The following DCLK2 variants were observed in gnomAD, a reference collection of about 807,000 sequenced individuals.
DCLK2 encodes doublecortin like kinase 2.
Under a neutral mutation model 78.4 loss-of-function variants are expected in DCLK2, and 31 were observed. The ratio of observed to expected loss-of-function variants is 0.40; its 90% confidence interval spans 0.30 to 0.53. The LOEUF (loss-of-function observed/expected upper bound fraction) is 0.53, where lower values mean the gene tolerates loss of function less well. DCLK2 is among the 20% of genes least tolerant of loss of function. The pLI, the probability that DCLK2 is intolerant of heterozygous loss-of-function variation, is 0.61. For synonymous variants in DCLK2, 407 were observed against 374.9 expected (o/e 1.09, Z -0.99); for missense variants, 872 against 973.7 (o/e 0.90, Z 1.39).
chr4:150,231,696 T>C (rs978225231), intron 8 of DCLK2, among the ~76,000 whole-genome samples: 1 of 152,214 alleles, frequency 6.6e-6, no homozygotes, highest in Non-Finnish European at 1.5e-5. Context: ...AGGAGAGTGA[T>C]TAGAGCTAAA....
At chr4:150,192,888 C>T (rs1163185376) in intron 2 of DCLK2, among the ~76,000 whole-genome samples, 5 of 152,132 alleles carry the variant, frequency 3.3e-5, no homozygotes, top group East Asian at 1.9e-4. Flanking sequence ...TTTGCATGTA[C>T]GTCCTTGACT....
intron 8 of DCLK2, among the ~76,000 whole-genome samples, chr4:150,225,333 C>T (rs551489403): frequency 2.6e-5 from 4 of 152,300 alleles, no homozygotes; most frequent in Admixed American, 2.6e-4. Context: ...ATAAGATAAA[C>T]TTTTTTCCTT....
intron 6 of DCLK2, among the ~76,000 whole-genome samples, 155 bp downstream of exon 6, chr4:150,220,933 T>C (rs890940303): frequency 6.6e-6 from 1 of 152,162 alleles, no homozygotes; most frequent in African/African-American, 2.4e-5. Flanking sequence ...GAGGCGGGGA[T>C]GGGGGTTACT....
In DCLK2 at chr4:150,190,034, C is replaced by CAA. The variant is rs71596222; in HGVS notation, c.757-3088_757-3087dup. Among the ~76,000 whole-genome samples, 44 of 26,240 alleles carry CAA rather than the reference C, an allele frequency of 1.7e-3. 7 individuals are homozygous for CAA. Among genetic ancestry groups the CAA allele is most frequent in the African/African-American group, 3.3e-3 (30 of 8,970 alleles). The allele number at this position is 26,240 out of a possible 152,430, so 17.2% of individuals were successfully genotyped here. A position where few individuals can be genotyped will look rare whatever the true frequency, so the allele number is the denominator to read the frequency against. ...TGGGCATCATAGGGAGACCCTGTCT[C>CAA]AAAAAAAAAAAAAAAAAGGCCAAGT... is the stretch of plus-strand genomic sequence containing the variant. On this transcript the variant is annotated intron_variant, in intron 2 of 15. Coordinates refer to ENST00000296550, the MANE Select transcript of DCLK2 (RefSeq NM_001040260.4).
At chr4:150,088,815 C>A (rs1729832700) in intron 1 of DCLK2, among the ~76,000 whole-genome samples, 1 of 152,212 alleles carries the variant, frequency 6.6e-6, no homozygotes, top group Non-Finnish European at 1.5e-5. Context: ...AAAAAAAGAT[C>A]ATTCCAGCCC....
chr4:150,081,368 A>G (rs1729253431), intron 1 of DCLK2, among the ~76,000 whole-genome samples: 1 of 152,220 alleles, frequency 6.6e-6, no homozygotes, highest in African/African-American at 2.4e-5. Flanking sequence ...TACTTCTGCA[A>G]CTGTAGTTTC....
At chr4:150,121,527 A>G (rs1732539382) in intron 2 of DCLK2, among the ~76,000 whole-genome samples, 2 of 152,204 alleles carry the variant, frequency 1.3e-5, no homozygotes, top group Non-Finnish European at 2.9e-5. Flanking sequence ...TTTCCTCCAC[A>G]TCTGCAATGA....
At chr4:150,193,600 T>A (rs6843630) in intron 3 of DCLK2, among the ~76,000 whole-genome samples, 133,217 of 151,872 alleles carry the variant, frequency 0.88, 58,807 homozygotes, top group Middle Eastern at 0.96. Flanking sequence ...GCATGGATAG[T>A]GTTGAACATG....
chr4:150,224,391 G>C, intron 7 of DCLK2, 110 bp from the exon 8 acceptor site: 1 of 929,058 alleles, frequency 1.1e-6, no homozygotes. Flanking sequence ...AACATAATGA[G>C]ATCTCATCTC....
At position 150,212,597 on chromosome 4, in the gene DCLK2, G is replaced by A. The variant is rs529766461; in HGVS notation, c.1057-8106G>A. ...AAAAGAGGGGCTAAGCAGTTTTGAA[G>A]TGCCCTAACAAAATAAGTCATAATG... is the stretch of plus-strand genomic sequence containing the variant. On this transcript the variant is annotated intron_variant, in intron 5 of 15. Coordinates refer to ENST00000296550, the MANE Select transcript of DCLK2 (RefSeq NM_001040260.4). Among the ~76,000 whole-genome samples, 3 of 152,282 alleles carry A rather than the reference G, an allele frequency of 2.0e-5. No homozygotes were observed. In the East Asian group the frequency reaches 5.8e-4, roughly 29 times the overall value.
At chr4:150,157,334 G>A (rs2150237831) in intron 2 of DCLK2, among the ~76,000 whole-genome samples, 1 of 152,106 alleles carries the variant, frequency 6.6e-6, no homozygotes, top group Middle Eastern at 3.4e-3. Flanking sequence ...AGGCCAGAGT[G>A]CAGTGGCATG....
intron 2 of DCLK2, among the ~76,000 whole-genome samples, chr4:150,166,519 C>T (rs138255202): frequency 3.0e-4 from 46 of 151,968 alleles, no homozygotes; most frequent in Admixed American, 7.9e-4. Context: ...AAACAAAAAC[C>T]GATATTCTAC....
intron 2 of DCLK2, among the ~76,000 whole-genome samples, chr4:150,160,953 G>GT (rs1401009523): frequency 5.3e-5 from 8 of 152,010 alleles, no homozygotes; most frequent in Admixed American, 5.2e-4. Context: ...CAAATTTAAT[G>GT]TTTTTTCAAT....
chr4:150,198,983 A>G (rs773359259), intron 4 of DCLK2: 1 of 1,394,942 alleles, frequency 7.2e-7, no homozygotes, highest in African/African-American at 1.5e-5. Flanking sequence ...CTGAATAACC[A>G]CTCTCCTTAC....
intron 1 of DCLK2, 96 bp downstream of exon 1, chr4:150,079,544 C>T (rs764474050): frequency 7.2e-6 from 9 of 1,252,870 alleles, no homozygotes; most frequent in Non-Finnish European, 9.6e-6. Context: ...GGGTGCTTTC[C>T]AAGCCGCACG....
chr4:150,238,956 A>G (rs570798717), intron 10 of DCLK2, among the ~76,000 whole-genome samples: 35 of 152,268 alleles, frequency 2.3e-4, no homozygotes, highest in Middle Eastern at 3.4e-3. Flanking sequence ...GCTGCCCCCA[A>G]TTTTATTTTC....
intron 2 of DCLK2, among the ~76,000 whole-genome samples, chr4:150,155,452 G>T (rs182268473): frequency 6.6e-6 from 1 of 152,288 alleles, no homozygotes; most frequent in Admixed American, 6.5e-5. Context: ...GTTTTTGTAT[G>T]CAGCAAAGCG....
At chr4:150,187,803 C>CTTTTT in intron 2 of DCLK2, among the ~76,000 whole-genome samples, 1 of 137,588 alleles carries the variant, frequency 7.3e-6, no homozygotes, top group Non-Finnish European at 1.5e-5. Context: ...CTCAGTTGTA[C>CTTTTT]TTTTTTTTTT....
At chr4:150,221,056 C>T (rs530102058) in intron 6 of DCLK2, among the ~76,000 whole-genome samples, 16 of 152,256 alleles carry the variant, frequency 1.1e-4, no homozygotes, top group African/African-American at 3.9e-4. Flanking sequence ...AAATATATTT[C>T]CTTTCTCTCA....
Sources: gnomAD v4.1 joint callset for allele counts (sites outside exome capture counted in the v4.1 genomes callset) on GRCh38, gnomAD v4.1.1 for gene constraint, MANE v1.5 for transcripts, NCBI Gene and HGNC (gene_info 2026-07-23, HGNC 2026-07-21) for gene names.